The following NUP210L variants were observed in gnomAD, a reference collection of about 807,000 sequenced individuals.
The protein encoded by NUP210L is nuclear pore membrane glycoprotein 210-like.
In NUP210L, 74 loss-of-function variants were observed where a neutral mutation model predicts 208.5. The observed-to-expected ratio is 0.35, with a 90% CI of 0.29 to 0.43. The LOEUF (loss-of-function observed/expected upper bound fraction) is 0.43, where lower values mean the gene tolerates loss of function less well. Among genes scored for constraint, NUP210L ranks in the 20% least tolerant of loss-of-function variants. The probability of loss-of-function intolerance (pLI) is 1.00; values close to 1 mark genes in which losing one functional copy is unlikely to be tolerated. For synonymous variants in NUP210L, 780 were observed against 816.9 expected (o/e 0.95, Z 0.77); for missense variants, 1,843 against 2,289.4 (o/e 0.81, Z 3.98).
chr1:154,125,748 A>AGAG (rs1657910877), intron 10 of NUP210L, among the ~76,000 whole-genome samples: 1 of 23,214 alleles, frequency 4.3e-5, no homozygotes, highest in African/African-American at 8.6e-5. Flanking sequence ...GGAGGGAGGG[A>AGAG]AATGTTTTTT....
chr1:154,124,996 T>C (rs899276199), intron 10 of NUP210L, among the ~76,000 whole-genome samples: 1 of 150,894 alleles, frequency 6.6e-6, no homozygotes, highest in Admixed American at 6.6e-5. Flanking sequence ...TGATGACACA[T>C]GGAAATGTGC....
At chr1:154,013,074 A>C (rs895170670) in intron 33 of NUP210L, among the ~76,000 whole-genome samples, 1 of 150,738 alleles carries the variant, frequency 6.6e-6, no homozygotes, top group African/African-American at 2.4e-5. Context: ...AGACTCCAAA[A>C]AAAAAAAAAG....
chr1:154,148,026 G>A (rs1462860230), intron 2 of NUP210L, among the ~76,000 whole-genome samples: 2 of 146,998 alleles, frequency 1.4e-5, no homozygotes, highest in Non-Finnish European at 3.0e-5. Context: ...CTGGGGGGCC[G>A]AGGTGGGTGG....
In NUP210L at chr1:154,117,877, C is replaced by T. The variant is rs758447806; in HGVS notation, c.1468G>A (p.Glu490Lys). ...CAGGTAAAGTTGCCACTGCCACCCT[C>T]TACCTGTGAAAACACACATTACATT... The change falls in exon 12 of 40, where the codon GAG becomes AAG. Residue 490 changes from glutamate to lysine, a missense_variant. Glu to Lys is a moderately conservative substitution (Grantham distance 56). Coordinates refer to ENST00000368559, the Ensembl canonical transcript of NUP210L. 3.1e-6 allele frequency: 5 copies of T among 1,602,400 alleles called. No homozygotes were observed. Among genetic ancestry groups the T allele is most frequent in the African/African-American group, 1.3e-5 (1 of 74,556 alleles).
intron 27 of NUP210L, among the ~76,000 whole-genome samples, chr1:154,032,176 T>C (rs1170534437): frequency 6.6e-6 from 1 of 152,232 alleles, no homozygotes; most frequent in African/African-American, 2.4e-5. Flanking sequence ...AGAGAGCAGA[T>C]ACCTCCTTGA....
At chr1:154,015,799 C>T (rs1374115732) in intron 33 of NUP210L, among the ~76,000 whole-genome samples, 1 of 151,530 alleles carries the variant, frequency 6.6e-6, no homozygotes, top group Non-Finnish European at 1.5e-5. Flanking sequence ...GTCCCAGCTA[C>T]TCAGGAGACT....
chr1:154,030,156 A>T (rs1652130208), intron 27 of NUP210L, 102 bp from the exon 28 acceptor site: 1 of 827,086 alleles, frequency 1.2e-6, no homozygotes, highest in Non-Finnish European at 1.7e-6. Flanking sequence ...TAAATTAAAA[A>T]TAAAAAGTCA....
At chr1:154,103,672 A>C (rs1371550983) in intron 13 of NUP210L, among the ~76,000 whole-genome samples, 2 of 137,778 alleles carry the variant, frequency 1.5e-5, no homozygotes, top group Admixed American at 1.4e-4. Context: ...ACTCCGTCTC[A>C]AAAAAAAAAA....
chr1:154,085,047 G>A (rs930830641), intron 16 of NUP210L, among the ~76,000 whole-genome samples: 4 of 139,822 alleles, frequency 2.9e-5, no homozygotes, highest in African/African-American at 1.0e-4. Flanking sequence ...ACAGCACCTG[G>A]CCTAAAAATA....
chr1:154,020,837 T>C (rs1651513136), intron 32 of NUP210L, among the ~76,000 whole-genome samples: 2 of 151,980 alleles, frequency 1.3e-5, no homozygotes, highest in Non-Finnish European at 2.9e-5. Flanking sequence ...AATTTTTGTA[T>C]TTTTAATAGA....
chr1:154,053,917 C>T (rs1653667009), intron 25 of NUP210L, among the ~76,000 whole-genome samples: 1 of 152,118 alleles, frequency 6.6e-6, no homozygotes, highest in Non-Finnish European at 1.5e-5. Flanking sequence ...TGGCAATGTA[C>T]CCCATAAATA....
chr1:154,003,634 AG>A (rs1474503791), intron 35 of NUP210L, among the ~76,000 whole-genome samples: 7 of 152,224 alleles, frequency 4.6e-5, no homozygotes, highest in African/African-American at 1.7e-4. Context: ...CTAGGGCTAC[AG>A]GTGCGCGCCA....
At chr1:154,077,473 T>C (rs925728621) in intron 16 of NUP210L, among the ~76,000 whole-genome samples, 12 of 152,124 alleles carry the variant, frequency 7.9e-5, no homozygotes, top group African/African-American at 2.9e-4. Flanking sequence ...ATTAAGACAT[T>C]CTAAGATCCA....
intron 29 of NUP210L, among the ~76,000 whole-genome samples, chr1:154,026,709 C>T (rs937159464): frequency 6.6e-6 from 1 of 152,046 alleles, no homozygotes; most frequent in African/African-American, 2.4e-5. Context: ...TAATGGAATA[C>T]TATTCAGTCA....
chr1:154,073,969 T>C (rs1317371402), intron 16 of NUP210L, among the ~76,000 whole-genome samples: 1 of 151,690 alleles, frequency 6.6e-6, no homozygotes, highest in Non-Finnish European at 1.5e-5. Flanking sequence ...ATGATGGGAG[T>C]ATTAACACCA....
chr1:154,057,002 A>C, intron 22 of NUP210L, 55 bp from the exon 23 acceptor site: 1 of 1,585,076 alleles, frequency 6.3e-7, no homozygotes, highest in African/African-American at 1.4e-5. Flanking sequence ...GTTTCAAGAC[A>C]GGGTCTTACT....
intron 27 of NUP210L, among the ~76,000 whole-genome samples, chr1:154,032,055 T>C (rs1346707176): frequency 6.6e-6 from 1 of 152,138 alleles, no homozygotes; most frequent in African/African-American, 2.4e-5. Flanking sequence ...TATGGCTAAG[T>C]TGTACTCCAT....
intron 32 of NUP210L, among the ~76,000 whole-genome samples, chr1:154,019,861 G>C (rs1168550447): frequency 5.9e-5 from 9 of 151,418 alleles, no homozygotes; most frequent in Admixed American, 5.9e-4. Context: ...AGAAGGTGGA[G>C]GTTGAAGTGA....
chr1:154,125,686 GAA>G (rs1351063825), intron 10 of NUP210L, among the ~76,000 whole-genome samples: 206 of 8,256 alleles, frequency 0.025, 12 homozygotes, highest in Non-Finnish European at 0.054. Context: ...AGGAAGGAAG[GAA>G]GGAAGGAAGG....
Sources: allele counts gnomAD v4.1 joint callset (sites outside exome capture counted in the v4.1 genomes callset), GRCh38; gene constraint gnomAD v4.1.1; transcripts MANE v1.5; gene names NCBI Gene and HGNC (gene_info 2026-07-23, HGNC 2026-07-21).